RBFOX1: variants seen among roughly 807,000 people sequenced by gnomAD.
The protein encoded by RBFOX1 is RNA binding protein fox-1 homolog 1.
A neutral mutation model predicts 57.7 loss-of-function variants in RBFOX1; 8 were observed. The observed-to-expected ratio is 0.14, with a 90% CI of 0.08 to 0.25. The LOEUF is 0.25. Among genes scored for constraint, RBFOX1 ranks in the 10% least tolerant of loss-of-function variants. RBFOX1 has a pLI of 1.00. For missense variants in RBFOX1, 611 were observed against 548.5 expected, an observed-to-expected ratio of 1.11 and a Z score of -1.14; for synonymous variants, 326 against 222.4, an observed-to-expected ratio of 1.47 and a Z score of -4.15.
intron 1 of RBFOX1, among the ~76,000 whole-genome samples, chr16:6,313,843 A>G (rs1308576923): frequency 6.6e-6 from 1 of 151,718 alleles, no homozygotes; most frequent in Admixed American, 6.6e-5. Flanking sequence ...AAATAACACT[A>G]AATCACTCTT....
At chr16:6,829,610 T>C (rs1057339485) in intron 3 of RBFOX1, among the ~76,000 whole-genome samples, 1 of 152,170 alleles carries the variant, frequency 6.6e-6, no homozygotes. Context: ...CTTTTTTCTT[T>C]TGTTTTTTTA....
chr16:7,120,694 GAAAAA>G (rs35456614), intron 4 of RBFOX1, among the ~76,000 whole-genome samples: 1 of 135,948 alleles, frequency 7.4e-6, no homozygotes, highest in Non-Finnish European at 1.6e-5. Flanking sequence ...TTAATGTTGG[GAAAAA>G]AAAAAAAAAA....
chr16:6,495,582 C>T (rs570653227), intron 2 of RBFOX1, among the ~76,000 whole-genome samples: 4 of 152,348 alleles, frequency 2.6e-5, no homozygotes, highest in African/African-American at 9.6e-5. Flanking sequence ...ATAGAATAAT[C>T]AGCTAGCTGA....
intron 12 of RBFOX1, among the ~76,000 whole-genome samples, chr16:7,664,578 A>C (rs2068679345): frequency 6.6e-6 from 1 of 151,978 alleles, no homozygotes; most frequent in Non-Finnish European, 1.5e-5. Context: ...TTGATTGCCA[A>C]CTCTGACCTG....
At chr16:7,348,635 C>A (rs533745882) in intron 4 of RBFOX1, among the ~76,000 whole-genome samples, 1 of 152,114 alleles carries the variant, frequency 6.6e-6, no homozygotes, top group Non-Finnish European at 1.5e-5. Context: ...CAAAACAATC[C>A]TATAGATTAC....
Position 6,167,132 on chromosome 16 carries a change from T to C in RBFOX1, c.-127+147140T>C, listed in dbSNP as rs560805081. Among the ~76,000 whole-genome samples, 6 of 152,304 alleles carry C rather than the reference T, an allele frequency of 3.9e-5. No individual in the cohort carries two copies. In the South Asian group the frequency reaches 1.2e-3, roughly 32 times the overall value. ...AGAAGGGAGGGTATTTGCTGACGAA[T>C]AGTGGCGTTGTGTTGCTAAAAGAAG... is the stretch of plus-strand genomic sequence containing the variant. On this transcript the variant is annotated intron_variant, in intron 1 of 15. Transcript: ENST00000550418.
At chr16:6,734,720 G>T (rs575263913) in intron 3 of RBFOX1, among the ~76,000 whole-genome samples, 63 of 152,262 alleles carry the variant, frequency 4.1e-4, no homozygotes, top group African/African-American at 1.5e-3. Context: ...CTAGACTTCA[G>T]TTCCTCTCTC....
rs35426149 is a variant in RBFOX1, at chr16:5,363,031, C to CTTT, written c.220-104167_220-104165dup. ...TCTCTTTGAGATGATGATTTTAATT[C>CTTT]TTTTTTTTTTTTTTTTTTTTGAGAT... On this transcript the variant is annotated intron_variant, in intron 1 of 2. Transcript: ENST00000585867. Among the ~76,000 whole-genome samples, 39 of 95,404 alleles carry CTTT rather than the reference C, an allele frequency of 4.1e-4. 2 individuals are homozygous for CTTT. The highest frequency in any genetic ancestry group is 1.0e-3 in the African/African-American group (25 of 24,848). The allele number at this position is 95,404 out of a possible 152,430, so 62.6% of individuals were successfully genotyped here. A position where few individuals can be genotyped will look rare whatever the true frequency, so the allele number is the denominator to read the frequency against.
intron 1 of RBFOX1, among the ~76,000 whole-genome samples, chr16:6,067,000 G>A (rs2095773483): frequency 1.3e-5 from 2 of 152,260 alleles, no homozygotes; most frequent in Non-Finnish European, 1.5e-5. Context: ...GGTGGTGCCT[G>A]AACTATCAAC....
chr16:7,550,160 G>A (rs1177978237), intron 5 of RBFOX1, among the ~76,000 whole-genome samples: 2 of 152,002 alleles, frequency 1.3e-5, no homozygotes, highest in African/African-American at 4.8e-5. Flanking sequence ...CAAACTTCTG[G>A]CCTCAGGCAA....
intron 2 of RBFOX1, among the ~76,000 whole-genome samples, chr16:6,572,950 A>G (rs1420309257): frequency 2.0e-5 from 3 of 152,196 alleles, no homozygotes; most frequent in Non-Finnish European, 2.9e-5. Context: ...GGAACTTAGC[A>G]GTGAACAAAA....
chr16:6,087,097 T>C (rs778641622), intron 1 of RBFOX1, among the ~76,000 whole-genome samples: 6 of 152,218 alleles, frequency 3.9e-5, no homozygotes, highest in Non-Finnish European at 7.3e-5. Flanking sequence ...AATTTGACAG[T>C]AATCCAATTT....
chr16:6,627,233 G>C (rs899609959), intron 2 of RBFOX1, among the ~76,000 whole-genome samples: 1 of 152,346 alleles, frequency 6.6e-6, no homozygotes, highest in Non-Finnish European at 1.5e-5. Flanking sequence ...ACAGGGGAAT[G>C]AGATGGGGCT....
intron 2 of RBFOX1, among the ~76,000 whole-genome samples, chr16:6,388,501 C>A (rs1431514836): frequency 6.6e-6 from 1 of 151,726 alleles, no homozygotes; most frequent in East Asian, 1.9e-4. Context: ...ATTAATTTGT[C>A]TTTTAGTTGA....
chr16:5,713,578 G>C (rs2051574334), intron 3 of RBFOX1, among the ~76,000 whole-genome samples: 1 of 152,118 alleles, frequency 6.6e-6, no homozygotes, highest in Admixed American at 6.5e-5. Context: ...GCCCAAACTA[G>C]TTGATCTGGA....
At chr16:5,816,772 AC>A (rs1335837434) in intron 3 of RBFOX1, among the ~76,000 whole-genome samples, 5 of 152,026 alleles carry the variant, frequency 3.3e-5, no homozygotes, top group Non-Finnish European at 5.9e-5. Flanking sequence ...TAACAGTGAG[AC>A]CCCTGTCTCA....
chr16:5,522,704 C>T (rs921221970), intron 2 of RBFOX1, among the ~76,000 whole-genome samples: 2 of 152,204 alleles, frequency 1.3e-5, no homozygotes, highest in African/African-American at 2.4e-5. Flanking sequence ...CAGACACAAC[C>T]TTCCCCACCT....
Position 7,239,528 on chromosome 16 carries a change from G to C in RBFOX1, c.27+187430G>C, listed in dbSNP as rs141582511. 6.0e-3 allele frequency among the ~76,000 whole-genome samples: 908 copies of C among 152,088 alleles called. 6 individuals carry two copies. The highest frequency in any genetic ancestry group is 0.01 in the Non-Finnish European group (705 of 67,974). ...AAATAAATAAATAAAAATTGGAATC[G>C]GCTGGGATGATACCTCAACAAGTGA... On this transcript the variant is annotated intron_variant, in intron 4 of 15. Coordinates refer to ENST00000550418, the MANE Select transcript of RBFOX1 (RefSeq NM_018723.4).
At chr16:6,926,856 C>T (rs1000924393) in intron 3 of RBFOX1, among the ~76,000 whole-genome samples, 2 of 152,108 alleles carry the variant, frequency 1.3e-5, no homozygotes, top group South Asian at 4.1e-4. Flanking sequence ...ATCCACGTGA[C>T]TCTTTTTATT....
Sources: gnomAD v4.1 joint callset for allele counts (sites outside exome capture counted in the v4.1 genomes callset) on GRCh38, gnomAD v4.1.1 for gene constraint, MANE v1.5 for transcripts, NCBI Gene and HGNC (gene_info 2026-07-23, HGNC 2026-07-21) for gene names.